The following LRP1B variants were observed in gnomAD, a reference collection of about 807,000 sequenced individuals.
The protein encoded by LRP1B is LDL receptor related protein 1B.
Under a neutral mutation model 556.6 loss-of-function variants are expected in LRP1B, and 217 were observed. The observed-to-expected ratio is 0.39, with a 90% CI of 0.35 to 0.44. LRP1B has a LOEUF of 0.44. LRP1B is among the 20% of genes least tolerant of loss of function. LRP1B has a pLI of 1.00. For synonymous variants in LRP1B, 2,047 were observed against 1,865.8 expected (o/e 1.10, Z -2.50); for missense variants, 5,053 against 5,620.8 (o/e 0.90, Z 3.23).
At chr2:140,932,886 TACAC>T (rs373649277) in intron 20 of LRP1B, among the ~76,000 whole-genome samples, 58 of 127,564 alleles carry the variant, frequency 4.5e-4, no homozygotes, top group African/African-American at 1.2e-3. Context: ...TCTCTCCCTA[TACAC>T]ACACACACAC....
At chr2:140,349,876 C>T (rs1681878288) in intron 77 of LRP1B, among the ~76,000 whole-genome samples, 1 of 152,118 alleles carries the variant, frequency 6.6e-6, no homozygotes, top group Non-Finnish European at 1.5e-5. Flanking sequence ...GCTAAAATAG[C>T]TTCTTTTAAA....
chr2:141,901,144 C>T (rs74329185), intron 1 of LRP1B, among the ~76,000 whole-genome samples: 4 of 152,072 alleles, frequency 2.6e-5, no homozygotes. Flanking sequence ...AACAGGCTTA[C>T]AGGACAAATG....
intron 84 of LRP1B, among the ~76,000 whole-genome samples, chr2:140,294,177 G>T (rs1395139507): frequency 6.6e-6 from 1 of 152,030 alleles, no homozygotes; most frequent in East Asian, 1.9e-4. Context: ...ATAAAAACAA[G>T]AGGGGAAAAT....
chr2:140,818,644 G>A (rs1283183441), intron 31 of LRP1B, among the ~76,000 whole-genome samples: 2 of 152,022 alleles, frequency 1.3e-5, no homozygotes, highest in Admixed American at 1.3e-4. Flanking sequence ...GGTAAAGAAT[G>A]GATGTGCTGG....
intron 2 of LRP1B, among the ~76,000 whole-genome samples, chr2:141,541,707 C>T (rs182354295): frequency 3.0e-4 from 45 of 151,964 alleles, no homozygotes; most frequent in East Asian, 7.7e-4. Flanking sequence ...ACTTGGAGTA[C>T]GTCTCTGGCT....
intron 79 of LRP1B, among the ~76,000 whole-genome samples, chr2:140,332,509 T>C (rs1680865452): frequency 2.0e-5 from 3 of 152,090 alleles, no homozygotes. Context: ...AATTCCTCAC[T>C]GGTGCTTTTG....
At chr2:140,776,073 G>T (rs762839664) in intron 33 of LRP1B, 25 bp downstream of exon 33, 2 of 1,515,640 alleles carry the variant, frequency 1.3e-6, no homozygotes, top group Non-Finnish European at 1.8e-6. Flanking sequence ...TCAAGACCTG[G>T]CACAAATTCA....
intron 1 of LRP1B, among the ~76,000 whole-genome samples, chr2:142,073,852 C>T (rs772558915): frequency 6.6e-6 from 1 of 151,850 alleles, no homozygotes; most frequent in African/African-American, 2.4e-5. Context: ...CTGCTCCAGC[C>T]ACGTGCACTG....
At chr2:141,374,344 A>G (rs974096028) in intron 3 of LRP1B, among the ~76,000 whole-genome samples, 38 of 152,254 alleles carry the variant, frequency 2.5e-4, no homozygotes, top group African/African-American at 8.7e-4. Flanking sequence ...TCTGACTATA[A>G]TATGTTTGGT....
chr2:141,502,863 AT>A (rs201000467), intron 2 of LRP1B, among the ~76,000 whole-genome samples: 28 of 133,246 alleles, frequency 2.1e-4, no homozygotes, highest in South Asian at 5.0e-4. Flanking sequence ...GTCTCAAAAA[AT>A]AAAAAATAAA....
At chr2:142,113,221 G>C (rs1298393578) in intron 1 of LRP1B, among the ~76,000 whole-genome samples, 1 of 151,964 alleles carries the variant, frequency 6.6e-6, no homozygotes, top group Admixed American at 6.6e-5. Flanking sequence ...GCTTTTCTCA[G>C]CAAGCCATAA....
At chr2:140,765,869 T>A (rs1230593472) in intron 35 of LRP1B, among the ~76,000 whole-genome samples, 2 of 152,146 alleles carry the variant, frequency 1.3e-5, no homozygotes, top group Non-Finnish European at 2.9e-5. Flanking sequence ...CTTCATCTCC[T>A]TAGCATGACT....
intron 1 of LRP1B, among the ~76,000 whole-genome samples, chr2:141,929,437 T>C (rs920102): frequency 0.86 from 130,839 of 151,982 alleles, 56,482 homozygotes; most frequent in East Asian, 1. Flanking sequence ...CAATCACATA[T>C]AACAGGCATG....
rs545789611 is a variant in LRP1B at position 141,226,087 on chromosome 2, C to T, written c.850+3096G>A. Among the ~76,000 whole-genome samples, 3 of 149,534 alleles carry T rather than the reference C, an allele frequency of 2.0e-5. No individual in the cohort carries two copies. The South Asian group carries it at 6.4e-4, about 32-fold the overall frequency. On this transcript the variant is annotated intron_variant, in intron 6 of 90. Transcript: ENST00000389484. ...CAAACCTACCTAATTATGCTGTGTA[C>T]AATTATCTAACTGCTCAGAGTCTCA...
At chr2:142,002,037 T>C (rs1702671235) in intron 1 of LRP1B, among the ~76,000 whole-genome samples, 1 of 152,140 alleles carries the variant, frequency 6.6e-6, no homozygotes, top group Admixed American at 6.6e-5. Flanking sequence ...AGGAAAATAA[T>C]TACTTAACCT....
intron 66 of LRP1B, among the ~76,000 whole-genome samples, chr2:140,393,433 CT>C (rs530739346): frequency 8.4e-4 from 123 of 146,936 alleles, no homozygotes; most frequent in Non-Finnish European, 1.5e-3. Context: ...TGTTTCGTTC[CT>C]TTTTTTTTTA....
At chr2:140,731,784 AAAAAAAG>A (rs1440772417) in intron 35 of LRP1B, among the ~76,000 whole-genome samples, 4 of 151,366 alleles carry the variant, frequency 2.6e-5, no homozygotes, top group Non-Finnish European at 5.9e-5. Flanking sequence ...AAAAAAAAAA[AAAAAAAG>A]AAGCAGCAAC....
At chr2:140,326,899 A>G (rs976421217) in intron 79 of LRP1B, among the ~76,000 whole-genome samples, 2 of 152,130 alleles carry the variant, frequency 1.3e-5, no homozygotes, top group African/African-American at 4.8e-5. Context: ...GATTTCATGA[A>G]TGTGATTGGA....
intron 2 of LRP1B, among the ~76,000 whole-genome samples, chr2:141,554,247 T>C (rs1295218577): frequency 9.1e-6 from 1 of 109,330 alleles, no homozygotes; most frequent in Non-Finnish European, 2.1e-5. Context: ...TCTATAGGAA[T>C]AGACCTAGAT....
Sources: gnomAD v4.1 joint callset for allele counts (sites outside exome capture counted in the v4.1 genomes callset) on GRCh38, gnomAD v4.1.1 for gene constraint, MANE v1.5 for transcripts, NCBI Gene and HGNC (gene_info 2026-07-23, HGNC 2026-07-21) for gene names.